SEMA6D: variants seen among roughly 807,000 people sequenced by gnomAD.
SEMA6D encodes semaphorin-6D.
In SEMA6D, 35 loss-of-function variants were observed where a neutral mutation model predicts 106.6. That is an observed-to-expected ratio of 0.33 (90% CI 0.25 to 0.44). The LOEUF (loss-of-function observed/expected upper bound fraction) is 0.44, where lower values mean the gene tolerates loss of function less well. SEMA6D is among the 20% of genes least tolerant of loss of function. The pLI is 1.00. For missense variants in SEMA6D, 1,185 were observed against 1,345.9 expected (o/e 0.88, Z 1.87); for synonymous variants, 499 against 487.7 (o/e 1.02, Z -0.31).
At chr15:47,654,605 A>G (rs966982367) in intron 4 of SEMA6D, among the ~76,000 whole-genome samples, 2 of 152,192 alleles carry the variant, frequency 1.3e-5, no homozygotes, top group African/African-American at 4.8e-5. Context: ...TGATTGGATC[A>G]TGAGGCTGGA....
rs556410797 is a variant in SEMA6D, at chr15:47,329,752, C to T, written c.-238-82641C>T. Among the ~76,000 whole-genome samples the T allele has an allele frequency of 3.9e-5, 6 of 152,244 alleles. No individual in the cohort carries two copies. In the East Asian group the frequency reaches 9.6e-4, roughly 24 times the overall value. On this transcript the variant is annotated intron_variant, in intron 1 of 19. Transcript: ENST00000558014. ...TTTCTTAGCCTCTACCACAGACTTA[C>T]CAAATATATTTAGGGTTGGAACTAT...
chr15:47,624,850 A>G (rs1048204962), intron 4 of SEMA6D, among the ~76,000 whole-genome samples: 14 of 148,500 alleles, frequency 9.4e-5, no homozygotes, highest in South Asian at 4.1e-4. Flanking sequence ...TTCAGTCACC[A>G]AGTGATAAAC....
At chr15:47,539,616 G>A (rs534209059) in intron 3 of SEMA6D, among the ~76,000 whole-genome samples, 3 of 152,144 alleles carry the variant, frequency 2.0e-5, no homozygotes, top group African/African-American at 7.2e-5. Flanking sequence ...GGAGAGACGA[G>A]GTTTCACCAT....
chr15:47,682,691 T>C (rs1413465454), intron 4 of SEMA6D, among the ~76,000 whole-genome samples: 1 of 152,166 alleles, frequency 6.6e-6, no homozygotes, highest in Non-Finnish European at 1.5e-5. Flanking sequence ...AAAGACCAAT[T>C]AAACTACTGC....
At chr15:47,514,808 A>G (rs535052971) in intron 3 of SEMA6D, among the ~76,000 whole-genome samples, 1 of 152,302 alleles carries the variant, frequency 6.6e-6, no homozygotes, top group East Asian at 1.9e-4. Context: ...GTCCTTTACA[A>G]TGGTCAGAAA....
chr15:47,246,384 G>A (rs558368758), intron 1 of SEMA6D, among the ~76,000 whole-genome samples: 1 of 152,216 alleles, frequency 6.6e-6, no homozygotes, highest in East Asian at 1.9e-4. Context: ...TACAGCCTAC[G>A]GTACAGGGCT....
intron 3 of SEMA6D, among the ~76,000 whole-genome samples, chr15:47,526,054 A>C (rs553716321): frequency 6.6e-6 from 1 of 152,306 alleles, no homozygotes; most frequent in South Asian, 2.1e-4. Flanking sequence ...TGTAAAAAAG[A>C]GAAATCCTGG....
intron 4 of SEMA6D, among the ~76,000 whole-genome samples, chr15:47,686,006 G>A (rs2078460162): frequency 1.3e-5 from 2 of 152,132 alleles, no homozygotes; most frequent in East Asian, 1.9e-4. Context: ...TTTGCAGAGA[G>A]GAATAGAAAT....
intron 1 of SEMA6D, among the ~76,000 whole-genome samples, chr15:47,743,338 A>C (rs1233593625): frequency 6.6e-6 from 1 of 152,130 alleles, no homozygotes; most frequent in East Asian, 1.9e-4. Flanking sequence ...TGTCATTAGC[A>C]ATTCACCATC....
chr15:47,192,911 G>C (rs1751881877), intron 1 of SEMA6D, among the ~76,000 whole-genome samples: 1 of 152,148 alleles, frequency 6.6e-6, no homozygotes, highest in Admixed American at 6.5e-5. Flanking sequence ...CTCTTACCTA[G>C]TATATCCAAT....
chr15:47,429,645 A>T (rs2041458970), intron 2 of SEMA6D, among the ~76,000 whole-genome samples: 2 of 152,140 alleles, frequency 1.3e-5, no homozygotes, highest in African/African-American at 4.8e-5. Context: ...AGTGGGGCAG[A>T]TGGTATTTTT....
At position 47,246,027 on chromosome 15, in the gene SEMA6D, C is replaced by T. The variant is rs143751077; in HGVS notation, c.-239+61609C>T. 5.6e-4 allele frequency among the ~76,000 whole-genome samples: 86 copies of T among 152,214 alleles called. No homozygotes were observed. The East Asian group carries it at 0.016, about 29-fold the overall frequency. On this transcript the variant is annotated intron_variant, in intron 1 of 19. Transcript: ENST00000558014. ...TTCTCACGACCTTTCCCCTGTCTTT[C>T]GGATATATGCTCCTCTCTCAAGTAT...
At chr15:47,548,078 G>T (rs938316583) in intron 3 of SEMA6D, among the ~76,000 whole-genome samples, 45 of 152,116 alleles carry the variant, frequency 3.0e-4, no homozygotes, top group Non-Finnish European at 5.3e-4. Flanking sequence ...GAAAAATGAG[G>T]TGCTTAAGAT....
At chr15:47,710,521 G>C (rs1596709803) in intron 4 of SEMA6D, among the ~76,000 whole-genome samples, 1 of 152,220 alleles carries the variant, frequency 6.6e-6, no homozygotes, top group South Asian at 2.1e-4. Context: ...TAATTCCAAA[G>C]ATTTTATTAT....
At chr15:47,371,346 C>A (rs528859929) in intron 1 of SEMA6D, among the ~76,000 whole-genome samples, 10 of 152,290 alleles carry the variant, frequency 6.6e-5, no homozygotes, top group African/African-American at 2.4e-4. Flanking sequence ...TGTTGAATAA[C>A]ATAAATGAAC....
chr15:47,565,549 T>A (rs117629090), intron 3 of SEMA6D, among the ~76,000 whole-genome samples: 1 of 152,320 alleles, frequency 6.6e-6, no homozygotes, highest in Non-Finnish European at 1.5e-5. Flanking sequence ...TGTTTTGAAA[T>A]GTATGATACA....
rs963816890 is a variant in SEMA6D at position 47,483,419 on chromosome 15, T to A, written c.-87+12874T>A. ...GGACAGAACATTTGGCTCATTGGAG[T>A]CTCCATGTTTCTTTCATGGATAAAT... On this transcript the variant is annotated intron_variant, in intron 3 of 19. Coordinates refer to the SEMA6D transcript ENST00000558014. Among the ~76,000 whole-genome samples, 3 of 152,214 alleles carry A rather than the reference T, an allele frequency of 2.0e-5. No homozygotes were observed. In the East Asian group the frequency reaches 5.8e-4, roughly 29 times the overall value.
intron 4 of SEMA6D, among the ~76,000 whole-genome samples, chr15:47,613,907 A>G (rs558630179): frequency 6.6e-6 from 1 of 152,276 alleles, no homozygotes; most frequent in East Asian, 1.9e-4. Flanking sequence ...TCGGCCTCCC[A>G]AAATGCTGGG....
chr15:47,411,973 G>A (rs913232516), intron 1 of SEMA6D, among the ~76,000 whole-genome samples: 2 of 152,002 alleles, frequency 1.3e-5, no homozygotes, highest in Admixed American at 1.3e-4. Context: ...CCAATGTGTG[G>A]CCCAATGTGT....
Sources: gnomAD v4.1 joint callset for allele counts (sites outside exome capture counted in the v4.1 genomes callset) on GRCh38, gnomAD v4.1.1 for gene constraint, MANE v1.5 for transcripts, NCBI Gene and HGNC (gene_info 2026-07-23, HGNC 2026-07-21) for gene names.